Variants in GATB observed in about 807,000 individuals in gnomAD.
GATB encodes the protein glutamyl-tRNA(Gln) amidotransferase subunit B, mitochondrial.
GATB carries 39 observed loss-of-function variants against 62.3 expected under a neutral mutation model. That is an observed-to-expected ratio of 0.63 (90% CI 0.48 to 0.82). GATB has a LOEUF of 0.82. GATB is among the 40% of genes least tolerant of loss of function. GATB has a pLI of 0.00. For missense variants in GATB, 670 were observed against 684.0 expected, an observed-to-expected ratio of 0.98 and a Z score of 0.23; for synonymous variants, 276 against 258.9, an observed-to-expected ratio of 1.07 and a Z score of -0.63.
intron 2 of GATB, among the ~76,000 whole-genome samples, chr4:151,740,814 T>C (rs565080074): frequency 6.6e-6 from 1 of 152,354 alleles, no homozygotes; most frequent in South Asian, 2.1e-4. Context: ...GATTTCAGGC[T>C]GCGTTTTTAT....
chr4:151,697,032 G>C (rs979612400), intron 9 of GATB, among the ~76,000 whole-genome samples: 6 of 152,122 alleles, frequency 3.9e-5, no homozygotes, highest in Non-Finnish European at 5.9e-5. Context: ...ACTGTTGCTG[G>C]GAATGTAAAT....
At chr4:151,709,821 C>T (rs192305633) in intron 5 of GATB, among the ~76,000 whole-genome samples, 1 of 152,332 alleles carries the variant, frequency 6.6e-6, no homozygotes, top group East Asian at 1.9e-4. Flanking sequence ...CTCAACAGCA[C>T]AGACAGCTCC....
chr4:151,715,951 A>T (rs1738903948), intron 5 of GATB, 58 bp downstream of exon 5: 2 of 1,563,912 alleles, frequency 1.3e-6, no homozygotes, highest in Non-Finnish European at 1.7e-6. Flanking sequence ...AAAGTCAGAG[A>T]GGTTCTAGAA....
At chr4:151,736,172 T>A (rs1739369571) in intron 2 of GATB, among the ~76,000 whole-genome samples, 1 of 152,188 alleles carries the variant, frequency 6.6e-6, no homozygotes, top group Non-Finnish European at 1.5e-5. Flanking sequence ...AGCTATGGGA[T>A]ATTATTAAGG....
At chr4:151,715,946 CAG>C in intron 5 of GATB, 61 bp downstream of exon 5, 1 of 1,553,388 alleles carries the variant, frequency 6.4e-7, no homozygotes, top group South Asian at 1.2e-5. Context: ...AAACTAAAGT[CAG>C]AGAGGTTCTA....
chr4:151,710,854 A>G (rs943799669), intron 5 of GATB, among the ~76,000 whole-genome samples: 1 of 151,594 alleles, frequency 6.6e-6, no homozygotes, highest in South Asian at 2.1e-4. Context: ...GGATGCCTAC[A>G]TTTCTCTCTC....
chr4:151,678,457 CTA>C (rs1196786151), intron 11 of GATB, among the ~76,000 whole-genome samples: 3 of 139,870 alleles, frequency 2.1e-5, no homozygotes, highest in African/African-American at 8.5e-5. Flanking sequence ...CTCTCTCTCT[CTA>C]CATATATATA....
At chr4:151,686,661 C>CCCCCG (rs1402558564) in intron 10 of GATB, among the ~76,000 whole-genome samples, 1 of 128,682 alleles carries the variant, frequency 7.8e-6, no homozygotes. Context: ...CGCCCCCCCC[C>CCCCCG]CACCCCCCAG....
At chr4:151,756,154 C>T (rs969808173) in intron 2 of GATB, among the ~76,000 whole-genome samples, 1 of 152,140 alleles carries the variant, frequency 6.6e-6, no homozygotes, top group Non-Finnish European at 1.5e-5. Context: ...ATAAGCCCTG[C>T]GCAGAAAGAG....
At chr4:151,747,980 A>G (rs1043804794) in intron 2 of GATB, among the ~76,000 whole-genome samples, 1 of 152,222 alleles carries the variant, frequency 6.6e-6, no homozygotes, top group Non-Finnish European at 1.5e-5. Context: ...CTCTTCAAGG[A>G]GAACTACAAA....
At chr4:151,711,885 G>A (rs1738825066) in intron 5 of GATB, among the ~76,000 whole-genome samples, 1 of 152,164 alleles carries the variant, frequency 6.6e-6, no homozygotes, top group South Asian at 2.1e-4. Context: ...TCTCACACTA[G>A]GTTCCCGGTA....
At chr4:151,732,122 C>A (rs1203014467) in intron 2 of GATB, among the ~76,000 whole-genome samples, 2 of 150,118 alleles carry the variant, frequency 1.3e-5, no homozygotes, top group Non-Finnish European at 3.0e-5. Flanking sequence ...CTCCGCCCGG[C>A]CACCGCCCCG....
At position 151,719,488 on chromosome 4, in the gene GATB, C is replaced by G. The variant is rs555902469; in HGVS notation, c.378G>C (p.Leu126=). ...VEAAVMTGLA[L]NCHINKKSLF... is the part of the protein sequence containing the mutation. ...AGGACTTCTTGTTTATGTGGCAGTTCAGAGCCAGGCCTGTCATCACCGCCG... is the reference window on the plus strand; with the variant it reads ...AGGACTTCTTGTTTATGTGGCAGTTGAGAGCCAGGCCTGTCATCACCGCCG... The change falls in exon 3 of 13, where the codon CTG becomes CTC. Residue 126 remains leucine, a synonymous_variant. Coordinates refer to ENST00000263985, the MANE Select transcript of GATB (RefSeq NM_004564.3). 8 of 1,611,404 alleles carry G rather than the reference C, an allele frequency of 5.0e-6. No individual in the cohort carries two copies. In the South Asian group the frequency reaches 6.6e-5, roughly 13 times the overall value.
At chr4:151,752,517 G>A (rs1268686568) in intron 2 of GATB, among the ~76,000 whole-genome samples, 1 of 151,928 alleles carries the variant, frequency 6.6e-6, no homozygotes, top group Non-Finnish European at 1.5e-5. Context: ...TTTGATCTCT[G>A]GAAGATTTTC....
chr4:151,679,754 A>T (rs1738096743), intron 11 of GATB, 59 bp downstream of exon 11: 1 of 1,412,138 alleles, frequency 7.1e-7, no homozygotes, highest in East Asian at 2.3e-5. Context: ...TTTGGGTGTC[A>T]CAGAAAACAT....
intron 2 of GATB, among the ~76,000 whole-genome samples, chr4:151,740,722 G>T (rs1374030981): frequency 1.3e-5 from 2 of 152,216 alleles, no homozygotes; most frequent in African/African-American, 4.8e-5. Flanking sequence ...TGCCTTTGCA[G>T]GAAGAGCTTT....
chr4:151,734,233 G>A (rs924006440), intron 2 of GATB, among the ~76,000 whole-genome samples: 1 of 151,672 alleles, frequency 6.6e-6, no homozygotes, highest in Non-Finnish European at 1.5e-5. Flanking sequence ...ACTGATAAAA[G>A]AATTCAGCAA....
chr4:151,703,279 T>G (rs1474910981), intron 8 of GATB: 1 of 152,722 alleles, frequency 6.5e-6, no homozygotes, highest in Admixed American at 6.5e-5. Context: ...CTCACAACTT[T>G]GTTGCTTAAA....
At chr4:151,738,544 G>T (rs1436088896) in intron 2 of GATB, among the ~76,000 whole-genome samples, 3 of 152,180 alleles carry the variant, frequency 2.0e-5, no homozygotes, top group African/African-American at 7.2e-5. Flanking sequence ...TCTCAGGTAT[G>T]TTTTTATCAG....
Sources: gnomAD v4.1 joint callset for allele counts (sites outside exome capture counted in the v4.1 genomes callset) on GRCh38, gnomAD v4.1.1 for gene constraint, MANE v1.5 for transcripts, NCBI Gene and HGNC (gene_info 2026-07-23, HGNC 2026-07-21) for gene names.